The following GPC3 variants were observed in gnomAD, a reference collection of about 807,000 sequenced individuals.
GPC3 encodes glypican 3.
Under a neutral mutation model 34.4 loss-of-function variants are expected in GPC3, and 3 were observed. The ratio of observed to expected loss-of-function variants is 0.09; its 90% CI spans 0.04 to 0.23. GPC3 has a LOEUF of 0.23. GPC3 is among the 10% of genes least tolerant of loss of function. The pLI, the probability that GPC3 is intolerant of heterozygous loss-of-function variation, is 1.00. For missense variants in GPC3, 351 were observed against 445.6 expected (o/e 0.79, Z 1.91); for synonymous variants, 177 against 174.0 (o/e 1.02, Z -0.13).
intron 2 of GPC3, among the ~76,000 whole-genome samples, chrX:133,892,960 T>A (rs1460044924): frequency 2.7e-5 from 3 of 111,946 alleles, no homozygotes; most frequent in African/African-American, 9.7e-5. Context: ...CGCACCTTTT[T>A]AAGCTCTCAG....
At chrX:133,905,716 A>T (rs762527392) in intron 2 of GPC3, among the ~76,000 whole-genome samples, 7 of 106,101 alleles carry the variant, frequency 6.6e-5, no homozygotes, top group Admixed American at 2.0e-4. Context: ...ATTTGGGGTT[A>T]AAAAAAAAAG....
At chrX:133,866,265 G>A (rs1457712449) in intron 2 of GPC3, among the ~76,000 whole-genome samples, 5 of 111,854 alleles carry the variant, frequency 4.5e-5, no homozygotes, top group Admixed American at 2.8e-4. Context: ...GCACAACTGA[G>A]CATTAGGTTG....
chrX:133,718,821 A>C lies in GPC3; in HGVS notation c.1033-18793T>G, dbSNP rs2071336952. Among the ~76,000 whole-genome samples, 3 of 111,674 alleles carry C rather than the reference A, an allele frequency of 2.7e-5. No homozygotes were observed. The Admixed American group carries it at 2.9e-4, about 11-fold the overall frequency. ...CTGTACTAATGTTGGGGAAAATACC[A>C]GACTTTGAGACAAAACTTGTTACTA... On this transcript the variant is annotated intron_variant, in intron 3 of 7. Transcript: ENST00000370818.
intron 6 of GPC3, among the ~76,000 whole-genome samples, chrX:133,631,527 G>A (rs1385858797): frequency 9.0e-6 from 1 of 111,599 alleles, no homozygotes; most frequent in African/African-American, 3.3e-5. Context: ...CTGCTATTAT[G>A]CCAATAACTT....
At chrX:133,718,118 C>T (rs1349593657) in intron 3 of GPC3, among the ~76,000 whole-genome samples, 1 of 111,613 alleles carries the variant, frequency 9.0e-6, no homozygotes, top group African/African-American at 3.3e-5. Context: ...AAGAAACATC[C>T]ACAAAGTTTA....
Position 133,890,125 on chromosome X carries a change from A to C in GPC3, c.337+62925T>G, listed in dbSNP as rs536710822. On this transcript the variant is annotated intron_variant, in intron 2 of 7. Coordinates refer to ENST00000370818, the MANE Select transcript of GPC3 (RefSeq NM_004484.4). ...TTTTATAAAAATGGAATCACACTTT[A>C]TGTACTGTTTTATCACTTAATAATA... 3.5e-4 allele frequency among the ~76,000 whole-genome samples: 39 copies of C among 111,006 alleles called. No homozygotes were observed. In the South Asian group the frequency reaches 0.012, roughly 35 times the overall value.
intron 5 of GPC3, among the ~76,000 whole-genome samples, chrX:133,676,604 C>G (rs1223241737): frequency 8.9e-6 from 1 of 112,306 alleles, no homozygotes; most frequent in Non-Finnish European, 1.9e-5. Context: ...TGCACCTGCT[C>G]TCCTGCTGGA....
At chrX:133,804,808 A>G (rs1207797304) in intron 2 of GPC3, among the ~76,000 whole-genome samples, 2 of 111,294 alleles carry the variant, frequency 1.8e-5, no homozygotes, top group Admixed American at 1.9e-4. Context: ...ATAAGTAATG[A>G]ATCCTAGGTG....
rs138943455 is a variant in GPC3 at position 133,564,613 on chromosome X, C to A, written c.1574-28320G>T. Among the ~76,000 whole-genome samples the A allele has an allele frequency of 2.9e-3, 327 of 111,583 alleles. 1 individual carries two copies. The highest frequency in any genetic ancestry group is 0.01 in the African/African-American group (309 of 30,743). On this transcript the variant is annotated intron_variant, in intron 7 of 7. Coordinates refer to ENST00000370818, the MANE Select transcript of GPC3 (RefSeq NM_004484.4). ...CCATCAACTTTGGCTCTACTGCATACCAATTTTGATTTGGGGTAAGTTATA... is the reference window on the plus strand; with the variant it reads ...CCATCAACTTTGGCTCTACTGCATAACAATTTTGATTTGGGGTAAGTTATA...
At chrX:133,765,817 C>T (rs893293575) in intron 2 of GPC3, among the ~76,000 whole-genome samples, 1 of 111,810 alleles carries the variant, frequency 8.9e-6, no homozygotes, top group Non-Finnish European at 1.9e-5. Context: ...TCCTCTTACC[C>T]GTTGTTATTG....
At chrX:133,557,881 C>T (rs768914143) in intron 7 of GPC3, among the ~76,000 whole-genome samples, 3 of 111,505 alleles carry the variant, frequency 2.7e-5, no homozygotes, top group African/African-American at 6.5e-5. Context: ...AATGAGCAAA[C>T]TGTAATTAGG....
intron 2 of GPC3, among the ~76,000 whole-genome samples, chrX:133,831,638 G>A (rs1296798985): frequency 8.9e-6 from 1 of 112,306 alleles, no homozygotes; most frequent in Non-Finnish European, 1.9e-5. Context: ...GCTGAGGCAG[G>A]AGAATTGCTT....
chrX:133,936,527 G>A (rs994408994), intron 2 of GPC3, among the ~76,000 whole-genome samples: 1 of 111,619 alleles, frequency 9.0e-6, no homozygotes, highest in Non-Finnish European at 1.9e-5. Context: ...ACAACGGCTT[G>A]TGAAAAATGA....
intron 2 of GPC3, among the ~76,000 whole-genome samples, chrX:133,816,516 C>T (rs1175620762): frequency 1.8e-5 from 2 of 111,897 alleles, no homozygotes; most frequent in African/African-American, 6.5e-5. Context: ...TTACTAAGTG[C>T]TTTTTACAAG....
intron 3 of GPC3, 55 bp from the exon 4 acceptor site, chrX:133,700,083 A>T (rs1382912645): frequency 8.3e-6 from 8 of 968,730 alleles, no homozygotes; most frequent in Admixed American, 7.0e-5. Flanking sequence ...ATGATAGTAG[A>T]AACAAATTCT....
intron 7 of GPC3, among the ~76,000 whole-genome samples, chrX:133,575,278 A>G (rs932776350): frequency 8.9e-6 from 1 of 112,121 alleles, no homozygotes; most frequent in Non-Finnish European, 1.9e-5. Flanking sequence ...ATTAGCAGTA[A>G]GTGCTATTAT....
At chrX:133,946,256 ACT>A (rs2076368222) in intron 2 of GPC3, among the ~76,000 whole-genome samples, 1 of 111,695 alleles carries the variant, frequency 9.0e-6, no homozygotes, top group Non-Finnish European at 1.9e-5. Context: ...CACATATAGC[ACT>A]GTTTTAAGGG....
At chrX:133,968,597 C>G (rs1024726662) in intron 1 of GPC3, among the ~76,000 whole-genome samples, 2 of 111,733 alleles carry the variant, frequency 1.8e-5, no homozygotes, top group African/African-American at 6.5e-5. Context: ...AAGAGCTTAG[C>G]ACAGTGCCTG....
chrX:133,762,018 T>C (rs1302356025), intron 2 of GPC3, among the ~76,000 whole-genome samples: 1 of 112,266 alleles, frequency 8.9e-6, no homozygotes, highest in Admixed American at 9.5e-5. Context: ...GCATCTTACA[T>C]TTATTATGCA....
Sources: gnomAD v4.1 joint callset for allele counts (sites outside exome capture counted in the v4.1 genomes callset) on GRCh38, gnomAD v4.1.1 for gene constraint, MANE v1.5 for transcripts, NCBI Gene and HGNC (gene_info 2026-07-23, HGNC 2026-07-21) for gene names.